The following L3MBTL4 variants were observed in gnomAD, a reference collection of about 807,000 sequenced individuals.
L3MBTL4 encodes L3MBTL histone methyl-lysine binding protein 4, also known as lethal(3)malignant brain tumor-like protein 4.
Under a neutral mutation model 84.5 loss-of-function variants are expected in L3MBTL4, and 70 were observed. That is an observed-to-expected ratio of 0.83 (90% CI 0.68 to 1.01). L3MBTL4 has a LOEUF of 1.01. L3MBTL4 is among the 50% of genes least tolerant of loss of function. L3MBTL4 has a pLI of 0.00. For missense variants in L3MBTL4, 715 were observed against 754.8 expected, an observed-to-expected ratio of 0.95 and a Z score of 0.62; for synonymous variants, 274 against 259.8, an observed-to-expected ratio of 1.05 and a Z score of -0.52.
At chr18:6,348,799 C>G (rs1318259554) in intron 1 of L3MBTL4, among the ~76,000 whole-genome samples, 1 of 152,140 alleles carries the variant, frequency 6.6e-6, no homozygotes, top group Non-Finnish European at 1.5e-5. Flanking sequence ...GTATCTGCAA[C>G]ACATTGGTCA....
chr18:6,045,884 C>G (rs149655080), intron 16 of L3MBTL4, among the ~76,000 whole-genome samples: 2 of 152,210 alleles, frequency 1.3e-5, no homozygotes, highest in African/African-American at 4.8e-5. Context: ...TCTCATATAT[C>G]AACATTAACC....
chr18:6,355,650 A>G (rs1334729131), intron 1 of L3MBTL4, among the ~76,000 whole-genome samples: 1 of 152,174 alleles, frequency 6.6e-6, no homozygotes, highest in Non-Finnish European at 1.5e-5. Flanking sequence ...GATTACATTT[A>G]AATACATATG....
intron 1 of L3MBTL4, among the ~76,000 whole-genome samples, chr18:6,340,596 C>T (rs769656456): frequency 1.9e-4 from 29 of 152,184 alleles, no homozygotes; most frequent in Non-Finnish European, 3.7e-4. Flanking sequence ...CAGGGGCTCA[C>T]TGCAACCAGT....
intron 1 of L3MBTL4, among the ~76,000 whole-genome samples, chr18:6,377,805 T>C (rs994824835): frequency 1.4e-4 from 22 of 152,108 alleles, no homozygotes; most frequent in Non-Finnish European, 2.9e-4. Context: ...GTCTTTAGAG[T>C]AGAATGATTT....
chr18:6,240,775 T>A (rs1306357118), intron 8 of L3MBTL4, among the ~76,000 whole-genome samples: 1 of 152,216 alleles, frequency 6.6e-6, no homozygotes, highest in South Asian at 2.1e-4. Flanking sequence ...AGAAGTGATG[T>A]CTGGAGAAAT....
At chr18:6,018,827 A>G (rs2055117610) in intron 16 of L3MBTL4, among the ~76,000 whole-genome samples, 1 of 152,232 alleles carries the variant, frequency 6.6e-6, no homozygotes, top group African/African-American at 2.4e-5. Flanking sequence ...TAGCACAGGA[A>G]GAGACAGCAG....
intron 4 of L3MBTL4, among the ~76,000 whole-genome samples, chr18:6,267,863 G>C (rs1473310382): frequency 6.6e-6 from 1 of 152,194 alleles, no homozygotes; most frequent in Non-Finnish European, 1.5e-5. Context: ...CTGCAAGTGA[G>C]ATGAGGGAAT....
chr18:6,410,011 T>C (rs1431865312), intron 1 of L3MBTL4, among the ~76,000 whole-genome samples: 7 of 152,160 alleles, frequency 4.6e-5, no homozygotes, highest in Admixed American at 3.3e-4. Context: ...CCCACTTCCA[T>C]GCCCCGCTCC....
chr18:6,294,381 G>A (rs752998369), intron 4 of L3MBTL4, among the ~76,000 whole-genome samples: 2 of 152,132 alleles, frequency 1.3e-5, no homozygotes, highest in Non-Finnish European at 1.5e-5. Flanking sequence ...AGGTCTGAGC[G>A]AGCATTAAAA....
chr18:5,958,841 G>A (rs536865989), intron 18 of L3MBTL4, among the ~76,000 whole-genome samples: 13 of 152,268 alleles, frequency 8.5e-5, no homozygotes, highest in African/African-American at 2.9e-4. Flanking sequence ...TAAAGTGACA[G>A]TACTGGTCAG....
At chr18:5,999,032 G>A (rs1459312397) in intron 16 of L3MBTL4, among the ~76,000 whole-genome samples, 1 of 152,180 alleles carries the variant, frequency 6.6e-6, no homozygotes. Flanking sequence ...ATTAAGCAGA[G>A]GATGAAGGAA....
At chr18:6,305,635 C>A (rs2050550585) in intron 3 of L3MBTL4, among the ~76,000 whole-genome samples, 1 of 152,118 alleles carries the variant, frequency 6.6e-6, no homozygotes, top group Admixed American at 6.5e-5. Flanking sequence ...AAATAGCGTT[C>A]TGAAAAACAG....
intron 14 of L3MBTL4, among the ~76,000 whole-genome samples, chr18:6,106,119 T>C (rs1374211373): frequency 6.6e-6 from 1 of 152,178 alleles, no homozygotes; most frequent in East Asian, 1.9e-4. Context: ...AAAGAAGTCA[T>C]TGTAGGCCAA....
intron 16 of L3MBTL4, chr18:6,025,164 A>G (rs1349630578): frequency 6.6e-6 from 1 of 152,206 alleles, no homozygotes; most frequent in Non-Finnish European, 1.5e-5. Flanking sequence ...ACAAGACATC[A>G]TCCTGGAAAA....
intron 1 of L3MBTL4, among the ~76,000 whole-genome samples, chr18:6,323,519 C>T (rs982584926): frequency 5.3e-5 from 8 of 152,216 alleles, no homozygotes; most frequent in Admixed American, 1.3e-4. Flanking sequence ...TTGTTAAGCA[C>T]TAGCGAAGAG....
intron 16 of L3MBTL4, among the ~76,000 whole-genome samples, chr18:6,046,056 G>A (rs1325711594): frequency 6.6e-6 from 1 of 151,922 alleles, no homozygotes; most frequent in Non-Finnish European, 1.5e-5. Flanking sequence ...TATCATGCAA[G>A]CAGGAAACAA....
intron 5 of L3MBTL4, among the ~76,000 whole-genome samples, chr18:6,247,581 C>T (rs1454950603): frequency 2.7e-5 from 4 of 146,474 alleles, no homozygotes; most frequent in Admixed American, 7.0e-5. Flanking sequence ...CAGGTTCAAG[C>T]GATTCTCCTG....
At chr18:5,991,079 C>T (rs369867041) in intron 16 of L3MBTL4, among the ~76,000 whole-genome samples, 2 of 152,228 alleles carry the variant, frequency 1.3e-5, no homozygotes, top group South Asian at 4.1e-4. Flanking sequence ...GTTGTTCTTT[C>T]CTCCTGGAAT....
At chr18:6,020,065 A>G (rs987516803) in intron 16 of L3MBTL4, among the ~76,000 whole-genome samples, 1 of 152,186 alleles carries the variant, frequency 6.6e-6, no homozygotes, top group Non-Finnish European at 1.5e-5. Context: ...CCCTGCCCTC[A>G]TGGAGCTCAC....
Sources: gnomAD v4.1 joint callset for allele counts (sites outside exome capture counted in the v4.1 genomes callset) on GRCh38, gnomAD v4.1.1 for gene constraint, MANE v1.5 for transcripts, NCBI Gene and HGNC (gene_info 2026-07-23, HGNC 2026-07-21) for gene names.